The following KIF26B variants were observed in gnomAD, a reference collection of about 807,000 sequenced individuals.
KIF26B encodes kinesin-like protein KIF26B.
In KIF26B, 63 loss-of-function variants were observed where a neutral mutation model predicts 151.2. The ratio of observed to expected loss-of-function variants is 0.42; its 90% confidence interval spans 0.34 to 0.51. The LOEUF is 0.51. Among genes scored for constraint, KIF26B ranks in the 20% least tolerant of loss-of-function variants. The pLI, the probability that KIF26B is intolerant of heterozygous loss-of-function variation, is 0.07. For missense variants in KIF26B, 2,813 were observed against 2,913.6 expected (o/e 0.97, Z 0.79); for synonymous variants, 1,357 against 1,262.1 (o/e 1.08, Z -1.59).
chr1:245,627,886 A>G (rs1471232575), intron 9 of KIF26B, among the ~76,000 whole-genome samples: 1 of 152,218 alleles, frequency 6.6e-6, no homozygotes, highest in Non-Finnish European at 1.5e-5. Flanking sequence ...TCTAGAAGAA[A>G]TGGATAAATT....
At position 245,688,736 on chromosome 1, in the gene KIF26B, C is replaced by T. The variant is rs1366814258; in HGVS notation, c.5753C>T (p.Thr1918Met). Residue 1918 changes from threonine to methionine, a missense_variant, in exon 12 of 15, where the codon ACG (threonine) becomes ATG (methionine). By Grantham distance (81) the Thr-to-Met change is moderately conservative. This residue lies in a region of KIF26B where 2,060 missense variants were observed against 2,088.6 expected (regional missense o/e 0.99). Transcript: ENST00000407071. The stretch of plus-strand genomic sequence containing the variant: ...AGCGCGTCCTCGGCGCAGGACTCCA[C>T]GAGCGAGAACAGCAGCTCCGTGGGC... ...TGSASSAQDS[T>M]SENSSSVGGR... is the part of the protein sequence containing the mutation. The T allele has an allele frequency of 1.9e-5, 31 of 1,606,974 alleles. No individual in the cohort carries two copies. Among genetic ancestry groups the T allele is most frequent in the Non-Finnish European group, 2.5e-5 (30 of 1,176,554 alleles).
intron 2 of KIF26B, among the ~76,000 whole-genome samples, chr1:245,284,230 C>G (rs1332407008): frequency 1.3e-5 from 2 of 152,112 alleles, no homozygotes; most frequent in African/African-American, 2.4e-5. Flanking sequence ...TACTGATTTT[C>G]TAAATGTTAC....
At chr1:245,299,016 G>A (rs1023657361) in intron 2 of KIF26B, among the ~76,000 whole-genome samples, 1 of 152,148 alleles carries the variant, frequency 6.6e-6, no homozygotes, top group African/African-American at 2.4e-5. Flanking sequence ...CACGATCCAG[G>A]AGGCCAGATG....
intron 9 of KIF26B, among the ~76,000 whole-genome samples, chr1:245,612,629 T>C (rs1259024537): frequency 6.6e-6 from 1 of 152,110 alleles, no homozygotes; most frequent in Admixed American, 6.5e-5. Flanking sequence ...ACCTCAAAAA[T>C]GCTCCTCAAG....
intron 2 of KIF26B, among the ~76,000 whole-genome samples, chr1:245,253,016 T>C (rs1262959645): frequency 6.6e-6 from 1 of 150,696 alleles, no homozygotes; most frequent in Non-Finnish European, 1.5e-5. Flanking sequence ...TTAATTTTTT[T>C]TTTTTTTTTT....
At chr1:245,396,037 T>C (rs1673830354) in intron 3 of KIF26B, among the ~76,000 whole-genome samples, 1 of 152,226 alleles carries the variant, frequency 6.6e-6, no homozygotes, top group South Asian at 2.1e-4. Context: ...CCTGGCTTTA[T>C]GGAGTAGGTT....
rs562579142 is a variant in KIF26B at position 245,564,237 on chromosome 1, C to T, written c.1350+23287C>T. Among the ~76,000 whole-genome samples the T allele has an allele frequency of 4.6e-5, 7 of 152,224 alleles. No homozygotes were observed. Among genetic ancestry groups the T allele is most frequent in the African/African-American group, 1.4e-4 (6 of 41,534 alleles). Reference sequence around the variant, plus strand: ...GGTTCACGCCACTTAGAATGAGCTTCCCCCCATTTTCTGCGATACACACTG... The same window carrying T: ...GGTTCACGCCACTTAGAATGAGCTTTCCCCCATTTTCTGCGATACACACTG... On this transcript the variant is annotated intron_variant, in intron 5 of 14. Transcript: ENST00000407071. This position sits in a 1 kb window ranked among gnomAD's most constrained non-coding sequence, Gnocchi z 4.6.
chr1:245,462,494 A>G (rs1446006657), intron 4 of KIF26B, among the ~76,000 whole-genome samples: 1 of 152,222 alleles, frequency 6.6e-6, no homozygotes, highest in Admixed American at 6.5e-5. Context: ...CAAAGCCAGA[A>G]ATAGGTTACT....
intron 4 of KIF26B, among the ~76,000 whole-genome samples, chr1:245,465,227 C>G (rs1448810129): frequency 6.6e-6 from 1 of 152,210 alleles, no homozygotes; most frequent in Non-Finnish European, 1.5e-5. Context: ...ATCCGCCCGC[C>G]TCGGCCTCCC....
chr1:245,357,087 A>C (rs577477718), intron 2 of KIF26B, among the ~76,000 whole-genome samples: 3 of 152,296 alleles, frequency 2.0e-5, no homozygotes, highest in Non-Finnish European at 4.4e-5. Context: ...TCAGGGAACA[A>C]GTGTAGGAGC....
At position 245,702,931 on chromosome 1, in the gene KIF26B, T is replaced by G; in HGVS notation, c.*325T>G. 3.7e-6 allele frequency: 1 copy of G among 268,696 alleles called. No homozygotes were observed. The highest frequency in any genetic ancestry group is 7.0e-6 in the Non-Finnish European group (1 of 143,532). The allele number at this position is 268,696 out of a possible 1,614,324, so 16.6% of individuals were successfully genotyped here. A position where few individuals can be genotyped will look rare whatever the true frequency, so the allele number is the denominator to read the frequency against. ...AGCAAAAGAGACCTCACTCTTCTCTTGCTTTCGTGAGAAAGGAGGGGCGTG... is the reference window on the plus strand; with the variant it reads ...AGCAAAAGAGACCTCACTCTTCTCTGGCTTTCGTGAGAAAGGAGGGGCGTG... On this transcript the variant is annotated 3_prime_UTR_variant, in exon 15 of 15. Coordinates refer to ENST00000407071, the MANE Select transcript of KIF26B (RefSeq NM_018012.4). This position sits in a 1 kb window ranked among gnomAD's most constrained non-coding sequence, Gnocchi z 4.1.
At chr1:245,298,865 A>T (rs1400147260) in intron 2 of KIF26B, among the ~76,000 whole-genome samples, 2 of 152,248 alleles carry the variant, frequency 1.3e-5, no homozygotes, top group Non-Finnish European at 2.9e-5. Flanking sequence ...TTTCGCTAGC[A>T]TTCCGAACAA....
At chr1:245,670,806 T>C (rs562898558) in intron 10 of KIF26B, among the ~76,000 whole-genome samples, 1 of 152,326 alleles carries the variant, frequency 6.6e-6, no homozygotes, top group Non-Finnish European at 1.5e-5. Context: ...AAGCACGTCA[T>C]GGAGAATGGG....
intron 5 of KIF26B, among the ~76,000 whole-genome samples, chr1:245,587,536 G>A (rs771943253): frequency 3.3e-5 from 5 of 152,134 alleles, no homozygotes; most frequent in Admixed American, 6.5e-5. Flanking sequence ...GTTCCGTCCC[G>A]TCTGTATCCC....
chr1:245,273,828 G>A (rs1227747933), intron 2 of KIF26B, among the ~76,000 whole-genome samples: 1 of 152,096 alleles, frequency 6.6e-6, no homozygotes, highest in East Asian at 1.9e-4. Context: ...GCTACTGTAT[G>A]TCTTCTGATT....
chr1:245,209,051 G>A (rs1163532986), intron 2 of KIF26B, among the ~76,000 whole-genome samples: 1 of 152,146 alleles, frequency 6.6e-6, no homozygotes, highest in South Asian at 2.1e-4. Context: ...CAAGGATCTC[G>A]TCTCCTCTGT....
intron 12 of KIF26B, among the ~76,000 whole-genome samples, chr1:245,695,018 C>T (rs571518618): frequency 5.9e-5 from 9 of 152,268 alleles, no homozygotes; most frequent in South Asian, 2.1e-4. Context: ...ACACGACTCC[C>T]GCCAGGGTGG....
chr1:245,499,544 AC>A (rs1660578761), intron 4 of KIF26B, among the ~76,000 whole-genome samples: 1 of 152,198 alleles, frequency 6.6e-6, no homozygotes, highest in African/African-American at 2.4e-5. Context: ...ACAGCTCGGA[AC>A]CCTAGCCCAT....
intron 10 of KIF26B, among the ~76,000 whole-genome samples, chr1:245,680,023 G>A (rs75999372): frequency 3.9e-5 from 6 of 152,228 alleles, no homozygotes; most frequent in Middle Eastern, 3.4e-3. Context: ...GGCCCTGCAC[G>A]CTTCTTCCTC....
Sources: allele counts gnomAD v4.1 joint callset (sites outside exome capture counted in the v4.1 genomes callset), GRCh38; gene constraint gnomAD v4.1.1; regional missense constraint gnomAD v4.1.1; non-coding constraint Gnocchi (gnomAD v3.1); transcripts MANE v1.5; gene names NCBI Gene and HGNC (gene_info 2026-07-23, HGNC 2026-07-21).